The following LSP1 variants were observed in gnomAD, a reference collection of about 807,000 sequenced individuals.
LSP1 encodes lymphocyte-specific protein 1.
In LSP1, 32 loss-of-function variants were observed where a neutral mutation model predicts 49.3. The observed-to-expected ratio is 0.65, with a 90% CI of 0.49 to 0.87. LSP1 has a LOEUF of 0.87. LSP1 is among the 40% of genes least tolerant of loss of function. The pLI, the probability that LSP1 is intolerant of heterozygous loss-of-function variation, is 0.00. For synonymous variants in LSP1, 179 were observed against 178.8 expected (o/e 1.00, Z -0.01); for missense variants, 428 against 442.6 (o/e 0.97, Z 0.30).
Position 1,884,612 on chromosome 11 carries a change from C to A in LSP1, c.717+31C>A. On this transcript the variant is annotated intron_variant, in intron 7 of 10. Coordinates refer to ENST00000311604, the MANE Select transcript of LSP1 (RefSeq NM_002339.3). This position sits in a 1 kb window ranked among gnomAD's most constrained non-coding sequence, Gnocchi z 4.1. ...ACCTGGCTCCCCTCTGCTGTCAGGT[C>A]CCTCCTGCATCCTGGCACCATTCCT... The A allele has an allele frequency of 6.3e-7, 1 of 1,581,244 alleles. No homozygotes were observed.
chr11:1,878,473 T>TC (rs1054685068), intron 1 of LSP1, among the ~76,000 whole-genome samples: 3 of 149,616 alleles, frequency 2.0e-5, no homozygotes, highest in African/African-American at 7.3e-5. Context: ...GCAGGCGGAT[T>TC]CGGGGGCGCG....
At chr11:1,875,413 G>A (rs903060644) in intron 1 of LSP1, among the ~76,000 whole-genome samples, 1 of 152,204 alleles carries the variant, frequency 6.6e-6, no homozygotes, top group Non-Finnish European at 1.5e-5. Flanking sequence ...TCCTGAGTGA[G>A]GGTCACCCAT....
chr11:1,861,695 G>A (rs867973043), intron 1 of LSP1, among the ~76,000 whole-genome samples: 12 of 122,142 alleles, frequency 9.8e-5, no homozygotes, highest in East Asian at 7.9e-4. Context: ...GGATGGGTGG[G>A]TGGATGGATG....
intron 10 of LSP1, chr11:1,890,088 C>T: frequency 1.4e-6 from 1 of 716,078 alleles, no homozygotes; most frequent in Non-Finnish European, 2.6e-6. Context: ...AGGGACGAAG[C>T]CACTGGGGGG....
intron 7 of LSP1, among the ~76,000 whole-genome samples, chr11:1,886,510 C>T (rs781064753): frequency 5.9e-5 from 9 of 152,256 alleles, no homozygotes; most frequent in East Asian, 1.9e-4. Context: ...CTGTCCTGTG[C>T]GCCATCATCT....
intron 1 of LSP1, chr11:1,869,501 G>T: frequency 2.5e-6 from 1 of 394,736 alleles, no homozygotes. Context: ...GGCAGAGGGA[G>T]GGGCTGAGGT....
At chr11:1,874,399 A>T (rs1848222405) in intron 1 of LSP1, among the ~76,000 whole-genome samples, 1 of 151,864 alleles carries the variant, frequency 6.6e-6, no homozygotes, top group African/African-American at 2.4e-5. Context: ...CCTTCCCGGG[A>T]GCGAGACCTC....
intron 1 of LSP1, chr11:1,866,769 A>G (rs1243095899): frequency 6.5e-7 from 1 of 1,550,364 alleles, no homozygotes; most frequent in African/African-American, 1.4e-5. Flanking sequence ...GTGCTACTTA[A>G]CAAATGGGCC....
chr11:1,871,250 C>T, intron 1 of LSP1: 2 of 986,808 alleles, frequency 2.0e-6, no homozygotes, highest in Non-Finnish European at 2.4e-6. Context: ...GAGCCGCAGC[C>T]ACGCCGCCGG....
intron 1 of LSP1, among the ~76,000 whole-genome samples, chr11:1,872,950 G>A (rs1848106831): frequency 6.6e-6 from 1 of 152,054 alleles, no homozygotes. Context: ...CCCATCCCAA[G>A]TTGGACAGCA....
intron 1 of LSP1, chr11:1,866,950 G>A: frequency 6.8e-7 from 1 of 1,468,042 alleles, no homozygotes; most frequent in Admixed American, 2.3e-5. Flanking sequence ...AAACCGTGTG[G>A]GCCCAGGCTC....
In LSP1 at chr11:1,874,118, T is replaced by C. The variant is rs1032772258; in HGVS notation, c.54-5969T>C. On this transcript the variant is annotated intron_variant, in intron 1 of 10. Coordinates refer to ENST00000311604, the MANE Select transcript of LSP1 (RefSeq NM_002339.3). ...AGGGAGGCCGGCAGAGGAGGGAGGC[T>C]GGGGACAGTGGGGGCAGGCCGGGGA... is the stretch of plus-strand genomic sequence containing the variant. Among the ~76,000 whole-genome samples, 65 of 10,140 alleles carry C rather than the reference T, an allele frequency of 6.4e-3. 11 individuals carry two copies. The highest frequency in any genetic ancestry group is 8.4e-3 in the Non-Finnish European group (39 of 4,616). The allele number at this position is 10,140 out of a possible 152,430, so 6.7% of individuals were successfully genotyped here. A position where few individuals can be genotyped will look rare whatever the true frequency, so the allele number is the denominator to read the frequency against.
chr11:1,865,638 G>T (rs1168960796), intron 1 of LSP1, among the ~76,000 whole-genome samples: 2 of 142,450 alleles, frequency 1.4e-5, no homozygotes, highest in African/African-American at 5.3e-5. Context: ...CTGCACCACC[G>T]ACTGCACTGT....
chr11:1,859,195 C>A (rs772073711), intron 1 of LSP1, among the ~76,000 whole-genome samples: 1 of 152,152 alleles, frequency 6.6e-6, no homozygotes, highest in Non-Finnish European at 1.5e-5. Flanking sequence ...GACGCAGGGG[C>A]CTCTACACAC....
intron 1 of LSP1, among the ~76,000 whole-genome samples, chr11:1,857,006 T>C (rs1009529400): frequency 6.6e-6 from 1 of 152,234 alleles, no homozygotes; most frequent in Non-Finnish European, 1.5e-5. Flanking sequence ...TACACCTTCC[T>C]GTGGTCAAGA....
In LSP1 at chr11:1,853,139, A is replaced by C. The variant is rs1288941726; in HGVS notation, c.-6A>C. ...CAGCACCCTGTGGGGCCCAGACTAC[A>C]GGCTGATGGCGGAGGCTTCGAGTGA... On this transcript the variant is annotated 5_prime_UTR_variant, in exon 1 of 11. Transcript: ENST00000311604. The C allele has an allele frequency of 6.2e-7, 1 of 1,609,918 alleles. No individual in the cohort carries two copies. The highest frequency in any genetic ancestry group is 8.5e-7 in the Non-Finnish European group (1 of 1,178,794).
chr11:1,868,571 T>TG (rs1021549283), intron 1 of LSP1: 39 of 854,796 alleles, frequency 4.6e-5, no homozygotes, highest in Non-Finnish European at 5.3e-5. Context: ...CTGAGGGGGC[T>TG]GGGGGAAGCC....
chr11:1,874,058 CAGGGAGGCCGGCAGAGG>C (rs1280771390), intron 1 of LSP1, among the ~76,000 whole-genome samples: 4 of 34,450 alleles, frequency 1.2e-4, no homozygotes, highest in African/African-American at 4.8e-4. Flanking sequence ...GCTGGCAGAG[CAGGGAGGCCGGCAGAGG>C]AGGGAGGCCG....
intron 4 of LSP1, 64 bp downstream of exon 4, chr11:1,883,624 G>A (rs1238586883): frequency 2.6e-6 from 4 of 1,536,578 alleles, no homozygotes; most frequent in Non-Finnish European, 3.5e-6. Context: ...TGCCTTGGCT[G>A]TCTGCACCAC....
Sources: allele counts gnomAD v4.1 joint callset (sites outside exome capture counted in the v4.1 genomes callset), GRCh38; gene constraint gnomAD v4.1.1; non-coding constraint Gnocchi (gnomAD v3.1); transcripts MANE v1.5; gene names NCBI Gene and HGNC (gene_info 2026-07-23, HGNC 2026-07-21).